Variants in CLIC5 observed in about 807,000 individuals in gnomAD.
CLIC5 encodes chloride intracellular channel protein 5.
In CLIC5, 20 loss-of-function variants were observed where a neutral mutation model predicts 24.7. That is an observed-to-expected ratio of 0.81 (90% CI 0.57 to 1.18). The LOEUF (loss-of-function observed/expected upper bound fraction) is 1.18. CLIC5 is among the 50% of genes most tolerant of loss of function. CLIC5 has a pLI of 0.00. For synonymous variants in CLIC5, 159 were observed against 135.6 expected, an observed-to-expected ratio of 1.17 and a Z score of -1.20; for missense variants, 341 against 326.1, an observed-to-expected ratio of 1.05 and a Z score of -0.35.
At chr6:45,961,348 T>C (rs1285100398) in intron 1 of CLIC5, among the ~76,000 whole-genome samples, 1 of 152,216 alleles carries the variant, frequency 6.6e-6, no homozygotes, top group East Asian at 1.9e-4. Flanking sequence ...TCCAGTTCTT[T>C]CTTTTTACTG....
chr6:46,001,740 A>T (rs1442156687), intron 1 of CLIC5, among the ~76,000 whole-genome samples: 1 of 152,108 alleles, frequency 6.6e-6, no homozygotes, highest in Admixed American at 6.5e-5. Context: ...TTAGTCAGAA[A>T]CCCCAACTCT....
chr6:46,010,551 C>T (rs774841016), intron 1 of CLIC5, among the ~76,000 whole-genome samples: 5 of 152,214 alleles, frequency 3.3e-5, no homozygotes, highest in Non-Finnish European at 5.9e-5. Context: ...TTTGACCTAA[C>T]TGACTGTCTA....
chr6:46,052,792 G>A (rs1437800952), intron 1 of CLIC5, among the ~76,000 whole-genome samples: 1 of 151,882 alleles, frequency 6.6e-6, no homozygotes. Flanking sequence ...GCCATTTGAG[G>A]GTGTGGGGAG....
At chr6:46,015,412 C>G (rs1467569339) in intron 1 of CLIC5, 68 bp downstream of exon 1, 12 of 1,429,652 alleles carry the variant, frequency 8.4e-6, no homozygotes, top group African/African-American at 1.5e-5. Flanking sequence ...CCAGCGCACC[C>G]CGAGCCCTGG....
chr6:46,039,600 T>C (rs1767752489), intron 1 of CLIC5, among the ~76,000 whole-genome samples: 1 of 152,042 alleles, frequency 6.6e-6, no homozygotes, highest in Admixed American at 6.5e-5. Context: ...AGAAAAAACA[T>C]TTCTGATTTG....
chr6:45,966,299 C>T (rs928549029), intron 1 of CLIC5, among the ~76,000 whole-genome samples: 5 of 151,444 alleles, frequency 3.3e-5, no homozygotes, highest in South Asian at 4.1e-4. Context: ...TTTTAGAGCT[C>T]GAAAATTCCA....
At chr6:45,929,985 G>A (rs905605283) in intron 4 of CLIC5, among the ~76,000 whole-genome samples, 2 of 152,170 alleles carry the variant, frequency 1.3e-5, no homozygotes, top group African/African-American at 4.8e-5. Context: ...ACTGTGACAC[G>A]GGGGCTGGGG....
intron 4 of CLIC5, among the ~76,000 whole-genome samples, chr6:45,938,134 G>A (rs1419625759): frequency 2.6e-5 from 4 of 152,208 alleles, no homozygotes; most frequent in Non-Finnish European, 5.9e-5. Context: ...GAAAAAAATG[G>A]CAAAGTAATG....
At chr6:46,000,492 A>T (rs992318082) in intron 1 of CLIC5, among the ~76,000 whole-genome samples, 7 of 152,194 alleles carry the variant, frequency 4.6e-5, no homozygotes, top group African/African-American at 1.2e-4. Context: ...AGAGCCATGC[A>T]TGGATGGTCT....
At chr6:45,997,310 C>A (rs1351720835) in intron 1 of CLIC5, among the ~76,000 whole-genome samples, 2 of 137,212 alleles carry the variant, frequency 1.5e-5, no homozygotes, top group Non-Finnish European at 3.0e-5. Flanking sequence ...ACAATGAGAT[C>A]ACATGGACAC....
At position 45,901,888 on chromosome 6, in the gene CLIC5, C is replaced by T. The variant is rs577988245; in HGVS notation, c.*1200G>A. The T allele has an allele frequency of 1.3e-5, 2 of 152,548 alleles. No homozygotes were observed. Among genetic ancestry groups the T allele is most frequent in the East Asian group, 3.9e-4 (2 of 5,162 alleles). 9.4% of individuals were successfully genotyped at this position (152,548 alleles called of 1,614,324 possible). A position where few individuals can be genotyped will look rare whatever the true frequency, so the allele number is the denominator to read the frequency against. On this transcript the variant is annotated 3_prime_UTR_variant, in exon 6 of 6. Transcript: ENST00000339561. ...TCAGAAAGTCTCATGGACTTTCTTC[C>T]TAAGGTGTTCTATGATCAGACCACC...
chr6:46,094,959 A>G, the CLIC5 span, among the ~76,000 whole-genome samples: 1 of 152,232 alleles, frequency 6.6e-6, no homozygotes, highest in Non-Finnish European at 1.5e-5. Context: ...TCTGAAATCT[A>G]GGTAGTAGAG....
At chr6:46,040,494 G>A (rs903781882) in intron 1 of CLIC5, among the ~76,000 whole-genome samples, 4 of 151,948 alleles carry the variant, frequency 2.6e-5, no homozygotes, top group Admixed American at 2.6e-4. Flanking sequence ...TTGGTAGTGG[G>A]CTTGATGATG....
intron 1 of CLIC5, among the ~76,000 whole-genome samples, chr6:46,025,414 A>G (rs1182775565): frequency 6.6e-6 from 1 of 152,198 alleles, no homozygotes; most frequent in African/African-American, 2.4e-5. Flanking sequence ...CATTTTGCAG[A>G]TGAAGAAGCT....
chr6:45,941,172 G>A (rs867575146), intron 4 of CLIC5, among the ~76,000 whole-genome samples: 5 of 152,186 alleles, frequency 3.3e-5, no homozygotes, highest in African/African-American at 1.2e-4. Flanking sequence ...AAGGAAGCGG[G>A]AATATGTTGC....
rs183514272 is a variant in CLIC5 at position 46,030,114 on chromosome 6, A to G, written c.540+49589T>C. ...CTCCTTGAGAGCCTCATACGTATAT[A>G]TAAATGTCTGCCGAGAACCTCCCTT... is the stretch of plus-strand genomic sequence containing the variant. On this transcript the variant is annotated intron_variant, in intron 1 of 5. Coordinates refer to the CLIC5 transcript ENST00000185206. Among the ~76,000 whole-genome samples the G allele has an allele frequency of 1.2e-4, 19 of 152,280 alleles. No individual in the cohort carries two copies. The East Asian group carries it at 3.3e-3, about 26-fold the overall frequency.
intron 6 of CLIC5, among the ~76,000 whole-genome samples, chr6:45,893,356 C>A (rs1762369077): frequency 6.6e-6 from 1 of 151,956 alleles, no homozygotes; most frequent in African/African-American, 2.4e-5. Flanking sequence ...TCCAAAAGTC[C>A]CATGGTTCCA....
rs1762546732 is a variant in CLIC5 at position 45,902,903 on chromosome 6, G to A, written c.*185C>T. On this transcript the variant is annotated 3_prime_UTR_variant, in exon 6 of 6. Transcript: ENST00000339561. ...TCATTTCTGCTAGATTCCTATGTGA[G>A]GAGGCCAGGGATGGTGCTGACCTTC... 4 of 618,040 alleles carry A rather than the reference G, an allele frequency of 6.5e-6. No individual in the cohort carries two copies. Among genetic ancestry groups the A allele is most frequent in the African/African-American group, 1.9e-5 (1 of 53,490 alleles). 38.3% of individuals were successfully genotyped at this position (618,040 alleles called of 1,614,324 possible).
the CLIC5 span, among the ~76,000 whole-genome samples, chr6:46,110,189 C>T: frequency 5.3e-5 from 8 of 152,204 alleles, no homozygotes; most frequent in Non-Finnish European, 7.3e-5. Context: ...ATACGCCTGA[C>T]CTTTTGTCCT....
Sources: gnomAD v4.1 joint callset for allele counts (sites outside exome capture counted in the v4.1 genomes callset) on GRCh38, gnomAD v4.1.1 for gene constraint, MANE v1.5 for transcripts, NCBI Gene and HGNC (gene_info 2026-07-23, HGNC 2026-07-21) for gene names.